The following AHI1 variants were observed in gnomAD, a reference collection of about 807,000 sequenced individuals.
AHI1 encodes the protein Abelson helper integration site 1, also known as jouberin.
AHI1 carries 123 observed loss-of-function variants against 149.3 expected under a neutral mutation model. That is an observed-to-expected ratio of 0.82 (90% confidence interval 0.71 to 0.96). The LOEUF (loss-of-function observed/expected upper bound fraction) is 0.96. AHI1 is among the 40% of genes least tolerant of loss of function. AHI1 has a pLI of 0.00. For missense variants in AHI1, 1,439 were observed against 1,422.7 expected, an observed-to-expected ratio of 1.01 and a Z score of -0.18; for synonymous variants, 475 against 459.8, an observed-to-expected ratio of 1.03 and a Z score of -0.42.
At chr6:135,295,557 A>G (rs1489768606) in intron 27 of AHI1, among the ~76,000 whole-genome samples, 2 of 152,362 alleles carry the variant, frequency 1.3e-5, no homozygotes, top group East Asian at 1.9e-4. Flanking sequence ...AAACTTGTAC[A>G]TAAATGTTGA....
intron 23 of AHI1, among the ~76,000 whole-genome samples, chr6:135,388,200 C>A (rs1471829664): frequency 6.6e-6 from 1 of 152,148 alleles, no homozygotes; most frequent in East Asian, 1.9e-4. Flanking sequence ...TATTGTACCA[C>A]CTGAAACACT....
rs531757973 is a variant in AHI1 at position 135,303,364 on chromosome 6, G to A, written c.3427-2806C>T. On this transcript the variant is annotated intron_variant, in intron 26 of 28. Transcript: ENST00000265602. ...ACGGTATAGTTCTATTTTTACATGCGGCTTATATACCTCATGATAGATATA... is the reference window on the plus strand; with the variant it reads ...ACGGTATAGTTCTATTTTTACATGCAGCTTATATACCTCATGATAGATATA... Among the ~76,000 whole-genome samples, 48 of 151,982 alleles carry A rather than the reference G, an allele frequency of 3.2e-4. No homozygotes were observed. In the Middle Eastern group the frequency reaches 0.017, roughly 54 times the overall value.
At chr6:135,462,969 T>C (rs1228610124) in intron 8 of AHI1, among the ~76,000 whole-genome samples, 156 bp downstream of exon 8, 2 of 151,930 alleles carry the variant, frequency 1.3e-5, no homozygotes, top group African/African-American at 2.4e-5. Flanking sequence ...TACAAATACA[T>C]GTGTGCTTTA....
intron 14 of AHI1, among the ~76,000 whole-genome samples, chr6:135,440,534 ACTT>A (rs1172327411): frequency 1.3e-5 from 2 of 152,310 alleles, no homozygotes; most frequent in Non-Finnish European, 2.9e-5. Flanking sequence ...GACAGGCTTT[ACTT>A]CTCACTCGGG....
intron 11 of AHI1, 82 bp from the exon 12 acceptor site, chr6:135,448,557 A>C (rs1787599567): frequency 1.8e-6 from 2 of 1,125,414 alleles, no homozygotes; most frequent in East Asian, 2.6e-5. Context: ...AGTCAGAAAC[A>C]TTTTTAAAAG....
chr6:135,363,450 T>A (rs1794243510), intron 23 of AHI1, among the ~76,000 whole-genome samples: 2 of 152,128 alleles, frequency 1.3e-5, no homozygotes, highest in Admixed American at 6.5e-5. Flanking sequence ...GTCTACCTCT[T>A]TCTACACAGA....
chr6:135,488,725 CTTAATT>C (rs985935879), intron 5 of AHI1, among the ~76,000 whole-genome samples: 61 of 152,110 alleles, frequency 4.0e-4, no homozygotes, highest in Admixed American at 2.6e-3. Context: ...TTTTTCCTCG[CTTAATT>C]TTATTTCAGA....
intron 23 of AHI1, among the ~76,000 whole-genome samples, chr6:135,369,637 C>T (rs1774732460): frequency 6.6e-6 from 1 of 152,174 alleles, no homozygotes; most frequent in South Asian, 2.1e-4. Context: ...CACAGGGACA[C>T]ACAGATATGA....
At chr6:135,473,423 G>A (rs1481162068) in intron 5 of AHI1, among the ~76,000 whole-genome samples, 1 of 151,994 alleles carries the variant, frequency 6.6e-6, no homozygotes, top group African/African-American at 2.4e-5. Flanking sequence ...GGCTGTTCTA[G>A]GTCTGTTGTT....
intron 27 of AHI1, among the ~76,000 whole-genome samples, chr6:135,299,243 T>C (rs1783551017): frequency 6.6e-6 from 1 of 152,246 alleles, no homozygotes; most frequent in Admixed American, 6.5e-5. Flanking sequence ...TTGTCTTTCA[T>C]CTGTACAATG....
At chr6:135,315,917 C>T (rs1785879236) in intron 26 of AHI1, among the ~76,000 whole-genome samples, 1 of 152,210 alleles carries the variant, frequency 6.6e-6, no homozygotes, top group South Asian at 2.1e-4. Flanking sequence ...TAGAGGGGCA[C>T]TGCTCTAAGC....
At chr6:135,306,673 G>T (rs953617043) in intron 26 of AHI1, among the ~76,000 whole-genome samples, 14 of 152,164 alleles carry the variant, frequency 9.2e-5, no homozygotes, top group Non-Finnish European at 1.3e-4. Context: ...AGAAAAATGG[G>T]CAACTTGTTG....
chr6:135,414,785 TTTC>T (rs1165379253), intron 20 of AHI1, among the ~76,000 whole-genome samples: 1 of 151,874 alleles, frequency 6.6e-6, no homozygotes, highest in Non-Finnish European at 1.5e-5. Context: ...AGATTGGCCA[TTTC>T]TTTTTTTAAA....
chr6:135,455,372 T>A (rs1038832469), intron 10 of AHI1, among the ~76,000 whole-genome samples: 2 of 152,174 alleles, frequency 1.3e-5, no homozygotes, highest in African/African-American at 2.4e-5. Flanking sequence ...ACACATATTC[T>A]TAGGGTGCCT....
intron 26 of AHI1, among the ~76,000 whole-genome samples, chr6:135,313,935 AAAAAT>A (rs1328984703): frequency 6.6e-6 from 1 of 152,204 alleles, no homozygotes; most frequent in Non-Finnish European, 1.5e-5. Flanking sequence ...GGGACATGAG[AAAAAT>A]CACAAAGAGT....
At chr6:135,323,061 C>G (rs900655891) in intron 25 of AHI1, 101 bp downstream of exon 25, 23 of 1,277,738 alleles carry the variant, frequency 1.8e-5, no homozygotes, top group African/African-American at 3.0e-5. Context: ...TAAACATATG[C>G]AAAGGTTACA....
intron 11 of AHI1, among the ~76,000 whole-genome samples, chr6:135,448,791 CAT>C (rs780628777): frequency 2.4e-4 from 37 of 152,268 alleles, no homozygotes; most frequent in East Asian, 3.9e-4. Flanking sequence ...GATCAATACA[CAT>C]GTTTGAAATA....
intron 21 of AHI1, among the ~76,000 whole-genome samples, chr6:135,406,813 A>C (rs1311609893): frequency 6.6e-6 from 1 of 152,154 alleles, no homozygotes; most frequent in African/African-American, 2.4e-5. Context: ...ACCTTTTATT[A>C]TATTATAAGG....
chr6:135,496,261 T>A (rs904015280), intron 2 of AHI1, among the ~76,000 whole-genome samples: 2 of 151,928 alleles, frequency 1.3e-5, no homozygotes, highest in Admixed American at 1.3e-4. Flanking sequence ...GGACTACAGG[T>A]GTGGGCCATC....
Sources: gnomAD v4.1 joint callset for allele counts (sites outside exome capture counted in the v4.1 genomes callset) on GRCh38, gnomAD v4.1.1 for gene constraint, MANE v1.5 for transcripts, NCBI Gene and HGNC (gene_info 2026-07-23, HGNC 2026-07-21) for gene names.